The following RAB38 variants were observed in gnomAD, a reference collection of about 807,000 sequenced individuals.
RAB38 encodes ras-related protein Rab-38.
RAB38 carries 15 observed loss-of-function variants against 18.4 expected under a neutral mutation model. The ratio of observed to expected loss-of-function variants is 0.82; its 90% CI spans 0.55 to 1.26. RAB38 has a LOEUF of 1.26. RAB38 is among the 50% of genes most tolerant of loss of function. The probability of loss-of-function intolerance (pLI) is 0.00; values close to 1 mark genes in which losing one functional copy is unlikely to be tolerated. For missense variants in RAB38, 294 were observed against 267.4 expected, an observed-to-expected ratio of 1.10 and a Z score of -0.69; for synonymous variants, 101 against 104.4, an observed-to-expected ratio of 0.97 and a Z score of 0.20.
At chr11:88,078,957 T>G in the RAB38 span, among the ~76,000 whole-genome samples, 1 of 152,110 alleles carries the variant, frequency 6.6e-6, no homozygotes, top group East Asian at 1.9e-4. Context: ...TCTTTCCATT[T>G]TATATGAACA....
intron 1 of RAB38, among the ~76,000 whole-genome samples, chr11:88,158,671 T>A (rs1049641731): frequency 2.6e-5 from 4 of 152,130 alleles, no homozygotes; most frequent in Non-Finnish European, 5.9e-5. Flanking sequence ...AAAAACCATA[T>A]GATCACCTCA....
the RAB38 span, among the ~76,000 whole-genome samples, chr11:88,107,459 T>C: frequency 6.6e-6 from 1 of 152,124 alleles, no homozygotes; most frequent in African/African-American, 2.4e-5. Flanking sequence ...TCTACATGTA[T>C]TGATTACTTG....
intron 2 of RAB38, among the ~76,000 whole-genome samples, chr11:88,121,676 ACT>A (rs2134779966): frequency 6.6e-6 from 1 of 152,150 alleles, no homozygotes; most frequent in East Asian, 1.9e-4. Flanking sequence ...CATTCTCCTG[ACT>A]CAGCCTCCTG....
chr11:88,081,856 A>T, the RAB38 span, among the ~76,000 whole-genome samples: 1 of 151,950 alleles, frequency 6.6e-6, no homozygotes, highest in Non-Finnish European at 1.5e-5. Flanking sequence ...AATCTGGAAA[A>T]GCCCAATATC....
the RAB38 span, among the ~76,000 whole-genome samples, chr11:87,977,501 A>C: frequency 7.5e-5 from 7 of 93,496 alleles, 1 homozygote; most frequent in African/African-American, 2.9e-4. Context: ...ATATAATTTT[A>C]TATGATTATG....
At chr11:88,136,197 G>A (rs1052411099) in intron 2 of RAB38, among the ~76,000 whole-genome samples, 3 of 152,198 alleles carry the variant, frequency 2.0e-5, no homozygotes, top group Non-Finnish European at 4.4e-5. Flanking sequence ...ACAGGCTACA[G>A]AGGAGCTGCT....
At chr11:87,855,499 G>A in the RAB38 span, among the ~76,000 whole-genome samples, 5 of 152,034 alleles carry the variant, frequency 3.3e-5, no homozygotes, top group East Asian at 1.9e-4. Context: ...TCATTATATT[G>A]GAAGTTTTAT....
At chr11:87,807,556 A>C in the RAB38 span, among the ~76,000 whole-genome samples, 6 of 152,224 alleles carry the variant, frequency 3.9e-5, no homozygotes, top group African/African-American at 1.2e-4. Context: ...TGACTATTTT[A>C]ACACATAAAA....
intron 2 of RAB38, among the ~76,000 whole-genome samples, chr11:88,120,438 T>C (rs1942615358): frequency 6.6e-6 from 1 of 152,162 alleles, no homozygotes; most frequent in Non-Finnish European, 1.5e-5. Context: ...CCATGGTATC[T>C]CCATGAAGAG....
chr11:88,015,041 CA>C, the RAB38 span, among the ~76,000 whole-genome samples: 16 of 125,112 alleles, frequency 1.3e-4, no homozygotes, highest in African/African-American at 5.2e-4. Flanking sequence ...CAAACACACC[CA>C]GTTGCCTGTA....
the RAB38 span, among the ~76,000 whole-genome samples, chr11:88,093,983 C>CTTCAT: frequency 7.0e-6 from 1 of 143,622 alleles, no homozygotes; most frequent in Non-Finnish European, 1.6e-5. Context: ...TGAGCCACTC[C>CTTCAT]TGCATCATTG....
chr11:87,902,831 T>G, the RAB38 span, among the ~76,000 whole-genome samples: 1 of 150,470 alleles, frequency 6.6e-6, no homozygotes, highest in Non-Finnish European at 1.5e-5. Context: ...TATATTTAGA[T>G]AGATTTATAT....
At chr11:88,110,181 T>C (rs1591148938), downstream of RAB38, among the ~76,000 whole-genome samples, 1 of 152,046 alleles carries the variant, frequency 6.6e-6, no homozygotes, top group Non-Finnish European at 1.5e-5. Flanking sequence ...CGGAATACAA[T>C]GAAGCCATAA....
chr11:87,909,568 A>G, the RAB38 span, among the ~76,000 whole-genome samples: 1 of 152,082 alleles, frequency 6.6e-6, no homozygotes, highest in Non-Finnish European at 1.5e-5. Context: ...CCATAAAATC[A>G]GAATCAAAAT....
the RAB38 span, among the ~76,000 whole-genome samples, chr11:88,097,098 A>C: frequency 2.6e-5 from 4 of 151,948 alleles, no homozygotes; most frequent in Admixed American, 6.6e-5. Flanking sequence ...CAGCTCAAAT[A>C]CTGGACTCTC....
the RAB38 span, among the ~76,000 whole-genome samples, chr11:87,905,320 C>T: frequency 2.0e-5 from 3 of 151,040 alleles, no homozygotes; most frequent in Admixed American, 2.0e-4. Context: ...ATTTTGTGTC[C>T]TGGTTAGCTC....
intron 2 of RAB38, among the ~76,000 whole-genome samples, chr11:88,128,845 T>C (rs780299722): frequency 1.3e-5 from 2 of 152,162 alleles, no homozygotes; most frequent in Admixed American, 6.5e-5. Flanking sequence ...GTGGACACTA[T>C]TGGCCAGTTA....
At chr11:88,129,571 G>A (rs989271992) in intron 2 of RAB38, among the ~76,000 whole-genome samples, 1 of 152,090 alleles carries the variant, frequency 6.6e-6, no homozygotes, top group Admixed American at 6.6e-5. Context: ...AACCCAGGAG[G>A]TGGAGGAGGT....
chr11:87,825,623 T>G, the RAB38 span, among the ~76,000 whole-genome samples: 1 of 152,134 alleles, frequency 6.6e-6, no homozygotes, highest in African/African-American at 2.4e-5. Flanking sequence ...TGTCATATAT[T>G]GAAGAATCTG....
Sources: gnomAD v4.1 joint callset for allele counts (sites outside exome capture counted in the v4.1 genomes callset) on GRCh38, gnomAD v4.1.1 for gene constraint, MANE v1.5 for transcripts, NCBI Gene and HGNC (gene_info 2026-07-23, HGNC 2026-07-21) for gene names.